Variants in PDE4B observed in about 807,000 individuals in gnomAD.
PDE4B encodes the protein 3',5'-cyclic-AMP phosphodiesterase 4B.
In PDE4B, 20 loss-of-function variants were observed where a neutral mutation model predicts 82.2. That is an observed-to-expected ratio of 0.24 (90% CI 0.17 to 0.35). The LOEUF (loss-of-function observed/expected upper bound fraction) is 0.35. PDE4B is among the 10% of genes least tolerant of loss of function. The pLI, the probability that PDE4B is intolerant of heterozygous loss-of-function variation, is 1.00. For synonymous variants in PDE4B, 320 were observed against 318.9 expected (o/e 1.00, Z -0.04); for missense variants, 655 against 907.2 (o/e 0.72, Z 3.57).
chr1:66,196,183 A>G (rs1283359313), intron 3 of PDE4B, among the ~76,000 whole-genome samples: 1 of 152,222 alleles, frequency 6.6e-6, no homozygotes, highest in Non-Finnish European at 1.5e-5. Context: ...TAGCCTGCCA[A>G]GGGCAAATAG....
intron 3 of PDE4B, among the ~76,000 whole-genome samples, chr1:66,201,057 C>T (rs1194823161): frequency 6.6e-6 from 1 of 152,052 alleles, no homozygotes; most frequent in Non-Finnish European, 1.5e-5. Flanking sequence ...TGGAATGAAG[C>T]ATTGTTGAAT....
At chr1:65,855,295 A>G (rs868838811) in intron 1 of PDE4B, among the ~76,000 whole-genome samples, 7 of 152,188 alleles carry the variant, frequency 4.6e-5, no homozygotes, top group Middle Eastern at 3.4e-3. Flanking sequence ...TGAATGTTAC[A>G]TTGTTGAGTA....
chr1:66,153,474 A>G (rs1358468762), intron 3 of PDE4B, among the ~76,000 whole-genome samples: 3 of 152,124 alleles, frequency 2.0e-5, no homozygotes, highest in Non-Finnish European at 2.9e-5. Context: ...GGGGTCAAGA[A>G]CCTCATGGGT....
intron 7 of PDE4B, among the ~76,000 whole-genome samples, chr1:66,271,562 G>A (rs531618742): frequency 1.3e-5 from 2 of 152,366 alleles, no homozygotes; most frequent in South Asian, 4.1e-4. Context: ...ATAGCAGTAA[G>A]CCAGAGAAAG....
At chr1:65,887,240 TTC>T (rs1491258502) in intron 1 of PDE4B, among the ~76,000 whole-genome samples, 33 of 13,570 alleles carry the variant, frequency 2.4e-3, no homozygotes, top group African/African-American at 0.011. Context: ...CTTTCTTTCT[TTC>T]TTTCTTTTCT....
At chr1:66,041,755 GA>G (rs1464383311) in intron 3 of PDE4B, among the ~76,000 whole-genome samples, 1 of 150,118 alleles carries the variant, frequency 6.7e-6, no homozygotes, top group East Asian at 2.0e-4. Flanking sequence ...TCTGGGTCAT[GA>G]ATAACTTGAG....
At chr1:65,828,373 GTAGC>G (rs200522540) in intron 1 of PDE4B, among the ~76,000 whole-genome samples, 322 of 152,170 alleles carry the variant, frequency 2.1e-3, no homozygotes, top group African/African-American at 6.7e-3. Context: ...AGTCTCTCGA[GTAGC>G]TGGGATTCCA....
rs535573489 is a variant in PDE4B at position 66,304,003 on chromosome 1, G to C, written c.635-28505G>C. Among the ~76,000 whole-genome samples the C allele has an allele frequency of 2.6e-5, 4 of 152,126 alleles. No individual in the cohort carries two copies. In the South Asian group the frequency reaches 8.3e-4, roughly 31 times the overall value. On this transcript the variant is annotated intron_variant, in intron 7 of 16. Coordinates refer to ENST00000341517, the MANE Select transcript of PDE4B (RefSeq NM_002600.4). ...ATGTTATCAGAACCACATGCAGATA[G>C]AATATCGTAAATATGGTAGATGATG...
At chr1:66,302,714 A>G (rs1314290894) in intron 7 of PDE4B, among the ~76,000 whole-genome samples, 1 of 152,184 alleles carries the variant, frequency 6.6e-6, no homozygotes, top group Non-Finnish European at 1.5e-5. Flanking sequence ...AAGTGGAATA[A>G]AAGCAAAAGC....
At chr1:65,860,414 C>T (rs571110375) in intron 1 of PDE4B, among the ~76,000 whole-genome samples, 108 of 152,210 alleles carry the variant, frequency 7.1e-4, no homozygotes, top group African/African-American at 7.5e-4. Flanking sequence ...CCATGGTGTA[C>T]ATGTGCCACA....
At chr1:65,882,678 A>ATGTG (rs1646722049) in intron 1 of PDE4B, among the ~76,000 whole-genome samples, 1 of 35,004 alleles carries the variant, frequency 2.9e-5, no homozygotes, top group Non-Finnish European at 6.4e-5. Context: ...TATTTGAAAA[A>ATGTG]TATGTGTGTG....
chr1:66,223,800 C>T (rs1651201249), intron 3 of PDE4B, among the ~76,000 whole-genome samples: 1 of 152,028 alleles, frequency 6.6e-6, no homozygotes, highest in African/African-American at 2.4e-5. Flanking sequence ...AAGTGCATGC[C>T]ATCAGACTAT....
intron 1 of PDE4B, among the ~76,000 whole-genome samples, chr1:65,797,308 T>C (rs193111243): frequency 6.6e-6 from 1 of 152,342 alleles, no homozygotes; most frequent in Non-Finnish European, 1.5e-5. Flanking sequence ...CAACATCTGA[T>C]TCACTTAATT....
intron 7 of PDE4B, among the ~76,000 whole-genome samples, chr1:66,330,170 C>G (rs1292519350): frequency 6.6e-6 from 1 of 152,212 alleles, no homozygotes; most frequent in East Asian, 1.9e-4. Context: ...TCTAGCCTAA[C>G]TAACATTGCT....
intron 3 of PDE4B, among the ~76,000 whole-genome samples, chr1:66,100,097 A>C (rs1484035382): frequency 1.3e-5 from 2 of 152,132 alleles, no homozygotes; most frequent in African/African-American, 4.8e-5. Context: ...TCTGTTGCCC[A>C]GGCTGAAGTT....
At chr1:65,874,231 T>G (rs533000758) in intron 1 of PDE4B, among the ~76,000 whole-genome samples, 1 of 151,810 alleles carries the variant, frequency 6.6e-6, no homozygotes, top group South Asian at 2.1e-4. Flanking sequence ...CTGTTGTTGG[T>G]GTATAAGAAT....
intron 3 of PDE4B, among the ~76,000 whole-genome samples, chr1:66,210,595 CAAAAAAAAAA>C (rs35825766): frequency 0.073 from 3,368 of 45,872 alleles, 67 homozygotes; most frequent in Middle Eastern, 0.28. Context: ...GACTCCATCT[CAAAAAAAAAA>C]AAAAAAAAAA....
At chr1:66,286,218 G>C (rs522037) in intron 7 of PDE4B, among the ~76,000 whole-genome samples, 71,853 of 152,022 alleles carry the variant, frequency 0.47, 18,324 homozygotes, top group Non-Finnish European at 0.57. Flanking sequence ...GCCTACTCAG[G>C]GTTATAAACT....
intron 1 of PDE4B, among the ~76,000 whole-genome samples, chr1:65,805,583 G>GATTTTT (rs1645745880): frequency 6.6e-6 from 1 of 151,908 alleles, no homozygotes; most frequent in Non-Finnish European, 1.5e-5. Context: ...CTTGTTTCCT[G>GATTTTT]ATTTTTATAT....
Sources: gnomAD v4.1 joint callset for allele counts (sites outside exome capture counted in the v4.1 genomes callset) on GRCh38, gnomAD v4.1.1 for gene constraint, MANE v1.5 for transcripts, NCBI Gene and HGNC (gene_info 2026-07-23, HGNC 2026-07-21) for gene names.